ZMYND8: variants seen among roughly 807,000 people sequenced by gnomAD.
ZMYND8 encodes the protein zinc finger MYND-type containing 8.
A neutral mutation model predicts 140.8 loss-of-function variants in ZMYND8; 37 were observed. The ratio of observed to expected loss-of-function variants is 0.26; its 90% CI spans 0.20 to 0.35. The LOEUF (loss-of-function observed/expected upper bound fraction) is 0.35, where lower values mean the gene tolerates loss of function less well. ZMYND8 is among the 10% of genes least tolerant of loss of function. The pLI is 1.00. For missense variants in ZMYND8, 1,068 were observed against 1,570.0 expected, an observed-to-expected ratio of 0.68 and a Z score of 5.40; for synonymous variants, 592 against 597.1, an observed-to-expected ratio of 0.99 and a Z score of 0.12.
rs778255623 is a variant in ZMYND8 at position 47,298,460 on chromosome 20, T to C, written c.453+269A>G. ...CTTTCAAAAAGTTCATCATAGAAGA[T>C]GCAGAGATGACGACTACAGATCTCC... On this transcript the variant is annotated intron_variant, in intron 4 of 22. Transcript: ENST00000471951. This position sits in a 1 kb window ranked among gnomAD's most constrained non-coding sequence, Gnocchi z 5.0. 2.0e-4 allele frequency: 198 copies of C among 985,310 alleles called. No homozygotes were observed. Among genetic ancestry groups the C allele is most frequent in the Non-Finnish European group, 2.3e-4 (195 of 829,950 alleles). The allele number at this position is 985,310 out of a possible 1,614,324, so 61.0% of individuals were successfully genotyped here.
At chr20:47,260,018 A>G (rs3960424) in intron 12 of ZMYND8, among the ~76,000 whole-genome samples, 96,482 of 151,972 alleles carry the variant, frequency 0.63, 31,431 homozygotes, top group African/African-American at 0.79. Flanking sequence ...TCAAATTTAC[A>G]TAATCTAAAC....
In ZMYND8 at chr20:47,246,046, T is replaced by C; in HGVS notation, c.2246A>G (p.Asn749Ser). 6.2e-7 allele frequency: 1 copy of C among 1,606,244 alleles called. No individual in the cohort carries two copies. Among genetic ancestry groups the C allele is most frequent in the Non-Finnish European group, 8.5e-7 (1 of 1,177,752 alleles). The change falls in exon 14 of 23, where the codon AAT becomes AGT. Residue 749 changes from asparagine (N) to serine (S), a missense_variant. Asn to Ser is a conservative substitution (Grantham distance 46). This residue lies in a region of ZMYND8 where 383 missense variants were observed against 431.2 expected (regional missense o/e 0.89). Transcript: ENST00000471951. Reference protein sequence around the residue: ...EDHSGREGRKNKKEPKEPSPK... With the variant: ...EDHSGREGRKSKKEPKEPSPK... ...AGATGGTTCTTTGGGTTCCTTCTTATTTTTTCGACCCTCCCGCCCAGAATG... is the reference window on the plus strand; with the variant it reads ...AGATGGTTCTTTGGGTTCCTTCTTACTTTTTCGACCCTCCCGCCCAGAATG...
rs564284564 is a variant in ZMYND8 at position 47,246,958 on chromosome 20, G to A, written c.1775-441C>T. Among the ~76,000 whole-genome samples the A allele has an allele frequency of 3.9e-5, 6 of 152,210 alleles. No individual in the cohort carries two copies. The East Asian group carries it at 9.6e-4, about 24-fold the overall frequency. On this transcript the variant is annotated intron_variant, in intron 13 of 22. Coordinates refer to ENST00000471951, the MANE Select transcript of ZMYND8 (RefSeq NM_001281775.3). ...AAGACAGAGGCCAGGCCAGAACCCC[G>A]GGTTCCTGGCTCCCCACCAACACTC...
intron 12 of ZMYND8, among the ~76,000 whole-genome samples, chr20:47,261,813 C>T (rs1403012880): frequency 6.6e-6 from 1 of 152,034 alleles, no homozygotes; most frequent in Admixed American, 6.5e-5. Context: ...GGTTTATGCC[C>T]GTCATCCCAT....
intron 10 of ZMYND8, among the ~76,000 whole-genome samples, chr20:47,277,355 C>T (rs1475730733): frequency 1.3e-5 from 2 of 152,264 alleles, no homozygotes; most frequent in African/African-American, 4.8e-5. Flanking sequence ...TCCTAACATC[C>T]ATATCCCACA....
intron 2 of ZMYND8, among the ~76,000 whole-genome samples, chr20:47,311,648 CG>C (rs2078940991): frequency 6.6e-6 from 1 of 151,974 alleles, no homozygotes; most frequent in Admixed American, 6.6e-5. Flanking sequence ...CGAACAATGG[CG>C]GGAGGTCATG....
intron 1 of ZMYND8, chr20:47,353,730 C>T (rs1271399538): frequency 6.6e-6 from 1 of 152,068 alleles, no homozygotes; most frequent in Non-Finnish European, 1.5e-5. Flanking sequence ...GAAAACAGCC[C>T]AACATTCTGT....
At position 47,302,695 on chromosome 20, in the gene ZMYND8, A is replaced by G. The variant is rs1003840415; in HGVS notation, c.235-3748T>C. Among the ~76,000 whole-genome samples, 2 of 151,568 alleles carry G rather than the reference A, an allele frequency of 1.3e-5. 1 individual carries two copies. Among genetic ancestry groups the G allele is most frequent in the African/African-American group, 4.9e-5 (2 of 40,980 alleles). ...GACTCAAACCTGGGTCTCCCAGCAC[A>G]CTCTCTCTTCCCTATAGCCCTCATA... On this transcript the variant is annotated intron_variant, in intron 3 of 22. Coordinates refer to ENST00000471951, the MANE Select transcript of ZMYND8 (RefSeq NM_001281775.3).
chr20:47,319,054 G>C, intron 2 of ZMYND8: 2 of 1,348,222 alleles, frequency 1.5e-6, no homozygotes, highest in African/African-American at 1.5e-5. Context: ...GATCCTCAGC[G>C]GCCTCTCCCA....
chr20:47,308,812 C>T (rs985988465), intron 3 of ZMYND8, among the ~76,000 whole-genome samples: 1 of 152,138 alleles, frequency 6.6e-6, no homozygotes, highest in Non-Finnish European at 1.5e-5. Flanking sequence ...GAAACACACA[C>T]CTCTCACAGG....
rs1332123985 is a variant in ZMYND8 at position 47,238,820 on chromosome 20, T to A, written c.2603A>T (p.Asn868Ile). 1 of 1,613,098 alleles carries A rather than the reference T, an allele frequency of 6.2e-7. No individual in the cohort carries two copies. The highest frequency in any genetic ancestry group is 1.6e-4 in the Middle Eastern group (1 of 6,062). ...GGAAGACTGAGGCTGCTGCTGCTGG[T>A]TTTGCTGCTGCTGCTGCTGCTGCTG... ...QRQQQQQQQQNQQQQPQSSQG... is the reference protein window; with the variant it reads ...QRQQQQQQQQIQQQQPQSSQG... The change falls in exon 15 of 23, where the codon AAC becomes ATC. Residue 868 changes from asparagine (N) to isoleucine (I), a missense_variant. Coordinates refer to ENST00000471951, the MANE Select transcript of ZMYND8 (RefSeq NM_001281775.3).
intron 2 of ZMYND8, among the ~76,000 whole-genome samples, chr20:47,332,663 T>C (rs1023022954): frequency 1.3e-5 from 2 of 152,144 alleles, no homozygotes; most frequent in African/African-American, 4.8e-5. Context: ...TGAGCGAGGA[T>C]CATGCCACTG....
intron 21 of ZMYND8, among the ~76,000 whole-genome samples, chr20:47,214,613 G>A (rs570333253): frequency 1.3e-5 from 2 of 152,146 alleles, no homozygotes; most frequent in Non-Finnish European, 2.9e-5. Flanking sequence ...CATGCCTCAG[G>A]CCCCTGAGTA....
rs1204547245 is a variant in ZMYND8, at chr20:47,210,725, C to G, written c.*36G>C. 6.2e-7 allele frequency: 1 copy of G among 1,613,916 alleles called. No homozygotes were observed. Among genetic ancestry groups the G allele is most frequent in the Non-Finnish European group, 8.5e-7 (1 of 1,179,956 alleles). On this transcript the variant is annotated 3_prime_UTR_variant, in exon 23 of 23. Coordinates refer to ENST00000471951, the MANE Select transcript of ZMYND8 (RefSeq NM_001281775.3). ...CTTTTCCTGGCGTCTGGGTTTTTCTCCCAATGGGGTGGGTGGTTTGTGTCC... is the reference window on the plus strand; with the variant it reads ...CTTTTCCTGGCGTCTGGGTTTTTCTGCCAATGGGGTGGGTGGTTTGTGTCC...
At chr20:47,350,135 CCCAACTTTAGCAATAGCACCA>C (rs1159468624) in intron 1 of ZMYND8, 1 of 1,015,504 alleles carries the variant, frequency 9.8e-7, no homozygotes, top group African/African-American at 1.7e-5. Context: ...ACCATAATCA[CCCAACTTTAGCAATAGCACCA>C]CCAGCTTTAG....
At chr20:47,355,604 G>A (rs894789672) in intron 1 of ZMYND8, 1 of 583,210 alleles carries the variant, frequency 1.7e-6, no homozygotes, top group East Asian at 1.4e-4. Flanking sequence ...CCCAACAACT[G>A]AATATGGAAT....
chr20:47,332,373 G>A (rs1437061341), intron 2 of ZMYND8, among the ~76,000 whole-genome samples: 1 of 152,058 alleles, frequency 6.6e-6, no homozygotes, highest in East Asian at 1.9e-4. Flanking sequence ...TAGTAGGAAA[G>A]ATGTGGGGGT....
intron 2 of ZMYND8, among the ~76,000 whole-genome samples, chr20:47,339,165 G>C (rs979304598): frequency 2.6e-5 from 4 of 151,728 alleles, no homozygotes; most frequent in African/African-American, 7.3e-5. Context: ...GTAGAGACGG[G>C]GTTTCACTGT....
intron 2 of ZMYND8, among the ~76,000 whole-genome samples, chr20:47,325,409 C>T (rs576741425): frequency 6.6e-6 from 1 of 152,150 alleles, no homozygotes; most frequent in African/African-American, 2.4e-5. Context: ...TTAACAAAGC[C>T]CTGTACAGGT....
Sources: gnomAD v4.1 joint callset for allele counts (sites outside exome capture counted in the v4.1 genomes callset) on GRCh38, gnomAD v4.1.1 for gene constraint, gnomAD v4.1.1 regional missense constraint, Gnocchi (gnomAD v3.1) non-coding constraint, MANE v1.5 for transcripts, NCBI Gene and HGNC (gene_info 2026-07-23, HGNC 2026-07-21) for gene names.